The following DIPK1C variants were observed in gnomAD, a reference collection of about 807,000 sequenced individuals.
The protein encoded by DIPK1C is familial non-conventional Alzheimer's dementia.
In DIPK1C, 33 loss-of-function variants were observed where a neutral mutation model predicts 28.0. The ratio of observed to expected loss-of-function variants is 1.18; its 90% CI spans 0.89 to 1.58. The LOEUF (loss-of-function observed/expected upper bound fraction) is 1.58. DIPK1C is among the 40% of genes most tolerant of loss of function. The pLI is 0.00. For synonymous variants in DIPK1C, 255 were observed against 248.8 expected, an observed-to-expected ratio of 1.02 and a Z score of -0.23; for missense variants, 569 against 568.5, an observed-to-expected ratio of 1.00 and a Z score of -0.01.
intron 1 of DIPK1C, among the ~76,000 whole-genome samples, chr18:74,451,249 C>T (rs1026207866): frequency 6.6e-6 from 1 of 152,210 alleles, no homozygotes; most frequent in Non-Finnish European, 1.5e-5. Flanking sequence ...GAGGAGAGGG[C>T]ACAGTTGAAG....
chr18:74,442,454 G>T (rs185554578), intron 2 of DIPK1C, among the ~76,000 whole-genome samples: 28 of 152,252 alleles, frequency 1.8e-4, no homozygotes, highest in Admixed American at 1.8e-3. Context: ...TCAGCCTCCA[G>T]AGTAGCTGGG....
intron 1 of DIPK1C, among the ~76,000 whole-genome samples, chr18:74,454,319 G>C (rs1986459420): frequency 6.6e-6 from 1 of 152,182 alleles, no homozygotes; most frequent in East Asian, 1.9e-4. Flanking sequence ...GTGTGGGCTT[G>C]GGGAGAACAT....
chr18:74,463,958 T>C, the DIPK1C span, among the ~76,000 whole-genome samples: 1 of 152,204 alleles, frequency 6.6e-6, no homozygotes, highest in Admixed American at 6.5e-5. Flanking sequence ...ATGGCTGCTT[T>C]GCCAAATAAT....
At position 74,440,038 on chromosome 18, in the gene DIPK1C, G is replaced by A. The variant is rs562317719; in HGVS notation, c.1041+1914C>T. Among the ~76,000 whole-genome samples, 581 of 150,780 alleles carry A rather than the reference G, an allele frequency of 3.9e-3. 16 individuals are homozygous for A. The highest frequency in any genetic ancestry group is 1.6e-3 in the Non-Finnish European group (110 of 67,818). On this transcript the variant is annotated intron_variant, in intron 3 of 3. Transcript: ENST00000343998. ...CGGCTCACTGCAAGCTCCGCCTCCCGGGTTCACGCCATTCTCCTGCCTCAG... is the reference window on the plus strand; with the variant it reads ...CGGCTCACTGCAAGCTCCGCCTCCCAGGTTCACGCCATTCTCCTGCCTCAG...
chr18:74,436,355 G>C lies in DIPK1C; in HGVS notation c.*146C>G, dbSNP rs1376057551. 2 of 764,238 alleles carry C rather than the reference G, an allele frequency of 2.6e-6. No homozygotes were observed. The highest frequency in any genetic ancestry group is 4.1e-6 in the Non-Finnish European group (2 of 486,876). 47.3% of individuals were successfully genotyped at this position (764,238 alleles called of 1,614,324 possible). On this transcript the variant is annotated 3_prime_UTR_variant, in exon 4 of 4. Transcript: ENST00000343998. ...CGAGAGCGAGGGAGCACTGTCTCTG[G>C]CAGCAGCACTTGCCACTCCACAATG...
At chr18:74,452,461 G>A (rs193225324) in intron 1 of DIPK1C, among the ~76,000 whole-genome samples, 31 of 152,010 alleles carry the variant, frequency 2.0e-4, no homozygotes, top group East Asian at 1.4e-3. Context: ...AATTTTCATC[G>A]GGCCAGGCAC....
intron 2 of DIPK1C, among the ~76,000 whole-genome samples, chr18:74,445,232 C>T (rs1027805835): frequency 2.0e-5 from 3 of 152,178 alleles, no homozygotes; most frequent in Non-Finnish European, 4.4e-5. Flanking sequence ...CCCCCCAACA[C>T]ACATATCAGG....
In DIPK1C at chr18:74,446,708, G is replaced by A; in HGVS notation, c.774C>T (p.Leu258=). 1 of 1,542,486 alleles carries A rather than the reference G, an allele frequency of 6.5e-7. No individual in the cohort carries two copies. The highest frequency in any genetic ancestry group is 8.8e-7 in the Non-Finnish European group (1 of 1,142,322). ...GQAKAISDIA[L]SFLDMVNHFD... ...AATGGTTCACCATGTCCAAGAAGCT[G>A]AGTGCGATGTCACTGATGGCCTTGG... The change falls in exon 2 of 4, where the codon CTC becomes CTT. Residue 258 remains leucine, a synonymous_variant. Transcript: ENST00000343998.
intron 1 of DIPK1C, among the ~76,000 whole-genome samples, chr18:74,453,441 C>T (rs1986441448): frequency 6.6e-6 from 1 of 152,188 alleles, no homozygotes. Flanking sequence ...CAGAACCATT[C>T]GCTGCTGAGA....
chr18:74,451,889 A>AC (rs1986405106), intron 1 of DIPK1C, among the ~76,000 whole-genome samples: 1 of 152,194 alleles, frequency 6.6e-6, no homozygotes, highest in African/African-American at 2.4e-5. Flanking sequence ...AATGGATGAT[A>AC]CCCCAACAAC....
chr18:74,450,073 G>C (rs1204056696), intron 1 of DIPK1C, among the ~76,000 whole-genome samples: 1 of 151,934 alleles, frequency 6.6e-6, no homozygotes. Flanking sequence ...GAATGATAAG[G>C]AACTGAGGCC....
chr18:74,442,283 G>A (rs1443097075), intron 2 of DIPK1C, among the ~76,000 whole-genome samples, 167 bp from the exon 3 acceptor site: 1 of 152,150 alleles, frequency 6.6e-6, no homozygotes, highest in Non-Finnish European at 1.5e-5. Flanking sequence ...GCCCTGGGGA[G>A]TGGATTCATC....
intron 1 of DIPK1C, among the ~76,000 whole-genome samples, chr18:74,448,733 A>G (rs1050840522): frequency 2.0e-5 from 3 of 152,182 alleles, no homozygotes; most frequent in African/African-American, 7.2e-5. Context: ...GGCTAGGTAG[A>G]TCAGCTTTAC....
intron 1 of DIPK1C, among the ~76,000 whole-genome samples, chr18:74,456,410 G>A (rs1241491166): frequency 6.6e-6 from 1 of 152,264 alleles, no homozygotes. Flanking sequence ...GGCGCCTGTC[G>A]AGGACCGGGA....
Position 74,457,160 on chromosome 18 carries a change from C to T in DIPK1C, c.100G>A (p.Gly34Ser), listed in dbSNP as rs779631111. 6.6e-5 allele frequency: 92 copies of T among 1,387,818 alleles called. 1 individual carries two copies. In the South Asian group the frequency reaches 1.3e-3, roughly 20 times the overall value. 86.0% of individuals were successfully genotyped at this position (1,387,818 alleles called of 1,614,324 possible). A position where few individuals can be genotyped will look rare whatever the true frequency, so the allele number is the denominator to read the frequency against. Residue 34 changes from glycine (G) to serine (S), a missense_variant, in exon 1 of 4, where the codon GGC (glycine) becomes AGC (serine). Transcript: ENST00000343998. ...AGCAGCGCGGCCGCCAGCACCCAGCCCGCGGTCCACGCGGCGAAGGCGAGG... is the reference window on the plus strand; with the variant it reads ...AGCAGCGCGGCCGCCAGCACCCAGCTCGCGGTCCACGCGGCGAAGGCGAGG... ...TLLAFAAWTA[G>S]WVLAAALLLR...
At chr18:74,463,043 C>T in the DIPK1C span, among the ~76,000 whole-genome samples, 1 of 152,196 alleles carries the variant, frequency 6.6e-6, no homozygotes, top group Non-Finnish European at 1.5e-5. Context: ...GAGGAAAATA[C>T]TGTTTGTCAT....
At chr18:74,448,579 A>T (rs563892570) in intron 1 of DIPK1C, among the ~76,000 whole-genome samples, 2 of 151,980 alleles carry the variant, frequency 1.3e-5, no homozygotes, top group East Asian at 3.9e-4. Flanking sequence ...CTTGCGTCAC[A>T]CTCCCTGCCT....
At chr18:74,452,956 T>TA (rs1986430854) in intron 1 of DIPK1C, among the ~76,000 whole-genome samples, 1 of 152,172 alleles carries the variant, frequency 6.6e-6, no homozygotes, top group Non-Finnish European at 1.5e-5. Context: ...CCACAGGTAT[T>TA]GGAGTTGAAA....
intron 1 of DIPK1C, among the ~76,000 whole-genome samples, chr18:74,450,397 G>T (rs1208043777): frequency 1.3e-5 from 2 of 152,226 alleles, no homozygotes; most frequent in Admixed American, 6.5e-5. Context: ...CAGGACTCCA[G>T]TGCAGCCAAA....
Sources: gnomAD v4.1 joint callset for allele counts (sites outside exome capture counted in the v4.1 genomes callset) on GRCh38, gnomAD v4.1.1 for gene constraint, MANE v1.5 for transcripts, NCBI Gene and HGNC (gene_info 2026-07-23, HGNC 2026-07-21) for gene names.